SOX5: variants seen among roughly 807,000 people sequenced by gnomAD.
SOX5 encodes the protein SRY-box transcription factor 5.
A neutral mutation model predicts 92.0 loss-of-function variants in SOX5; 9 were observed. The ratio of observed to expected loss-of-function variants is 0.10; its 90% confidence interval spans 0.06 to 0.17. SOX5 has a LOEUF of 0.17. SOX5 is among the 10% of genes least tolerant of loss of function. The probability of loss-of-function intolerance (pLI) is 1.00; values close to 1 mark genes in which losing one functional copy is unlikely to be tolerated. For missense variants in SOX5, 642 were observed against 944.5 expected (o/e 0.68, Z 4.20); for synonymous variants, 344 against 336.3 (o/e 1.02, Z -0.25).
chr12:23,814,053 A>G (rs1391429694), intron 3 of SOX5, among the ~76,000 whole-genome samples: 1 of 152,146 alleles, frequency 6.6e-6, no homozygotes, highest in East Asian at 1.9e-4. Flanking sequence ...TTCTTTTTAT[A>G]AATTAAAAGA....
intron 4 of SOX5, among the ~76,000 whole-genome samples, chr12:23,972,247 G>T (rs1309132768): frequency 6.6e-6 from 1 of 152,174 alleles, no homozygotes; most frequent in East Asian, 1.9e-4. Context: ...GGAGTCAGAA[G>T]CTGAGCATAA....
chr12:23,743,383 C>T (rs1240308863), intron 4 of SOX5, among the ~76,000 whole-genome samples: 1 of 152,044 alleles, frequency 6.6e-6, no homozygotes, highest in Non-Finnish European at 1.5e-5. Flanking sequence ...GATCTCACCT[C>T]ACTGCAAACT....
intron 4 of SOX5, among the ~76,000 whole-genome samples, chr12:23,753,549 C>T (rs1006723328): frequency 2.0e-5 from 3 of 151,700 alleles, no homozygotes; most frequent in Non-Finnish European, 4.4e-5. Flanking sequence ...AATAACAATT[C>T]AATACATTCA....
chr12:24,262,990 G>A (rs1942391245), intron 3 of SOX5, among the ~76,000 whole-genome samples: 1 of 152,178 alleles, frequency 6.6e-6, no homozygotes. Flanking sequence ...GGGAGGCTGA[G>A]GTGGGCAGAT....
At chr12:23,628,439 C>G (rs1463033636) in intron 8 of SOX5, among the ~76,000 whole-genome samples, 1 of 152,042 alleles carries the variant, frequency 6.6e-6, no homozygotes, top group Non-Finnish European at 1.5e-5. Context: ...TTCACTAACA[C>G]TATTACTTTT....
At chr12:24,474,228 G>A (rs931115891) in intron 1 of SOX5, among the ~76,000 whole-genome samples, 2 of 152,020 alleles carry the variant, frequency 1.3e-5, no homozygotes, top group Admixed American at 6.6e-5. Context: ...CTTATTTATA[G>A]GTATATAATT....
At chr12:24,137,671 C>G (rs980407343) in intron 4 of SOX5, among the ~76,000 whole-genome samples, 2 of 152,164 alleles carry the variant, frequency 1.3e-5, no homozygotes, top group Middle Eastern at 3.4e-3. Context: ...CAAAAAAACT[C>G]TGTTGTAAGT....
chr12:24,425,237 C>T (rs1201901756), intron 1 of SOX5, among the ~76,000 whole-genome samples: 1 of 152,184 alleles, frequency 6.6e-6, no homozygotes, highest in Non-Finnish European at 1.5e-5. Context: ...TCTCTCTATA[C>T]TTTATGAATG....
intron 1 of SOX5, among the ~76,000 whole-genome samples, chr12:24,468,946 G>C (rs2137598288): frequency 6.6e-6 from 1 of 152,284 alleles, no homozygotes; most frequent in East Asian, 1.9e-4. Context: ...CCACAGACCA[G>C]GGTGGAAGGA....
chr12:23,576,447 CCTA>C (rs1308049836), intron 9 of SOX5, among the ~76,000 whole-genome samples: 1 of 152,124 alleles, frequency 6.6e-6, no homozygotes, highest in Non-Finnish European at 1.5e-5. Flanking sequence ...TTAACATCAC[CCTA>C]CTATGTGCAA....
At chr12:24,494,622 G>A (rs1411799324) in intron 1 of SOX5, among the ~76,000 whole-genome samples, 1 of 152,048 alleles carries the variant, frequency 6.6e-6, no homozygotes, top group Non-Finnish European at 1.5e-5. Flanking sequence ...GAAGTAATGT[G>A]GTTTCAAGAA....
chr12:24,332,858 A>T (rs1013476671), intron 2 of SOX5, among the ~76,000 whole-genome samples: 14 of 152,268 alleles, frequency 9.2e-5, no homozygotes, highest in African/African-American at 2.9e-4. Context: ...GGAAGATTTA[A>T]GTATAGTAAC....
At chr12:24,096,592 T>C (rs1164208955) in intron 4 of SOX5, among the ~76,000 whole-genome samples, 1 of 152,226 alleles carries the variant, frequency 6.6e-6, no homozygotes, top group Non-Finnish European at 1.5e-5. Context: ...CTTAGCACAA[T>C]GTCTTCAAGG....
chr12:24,045,532 T>C (rs1956910772), intron 4 of SOX5, among the ~76,000 whole-genome samples: 1 of 152,046 alleles, frequency 6.6e-6, no homozygotes, highest in Non-Finnish European at 1.5e-5. Context: ...ACACCTGGGC[T>C]CAAGCAGTCC....
chr12:23,746,476 T>A (rs894153568), intron 4 of SOX5, among the ~76,000 whole-genome samples: 3 of 152,196 alleles, frequency 2.0e-5, no homozygotes, highest in African/African-American at 7.2e-5. Context: ...TGTGTGTGAC[T>A]GATAGTAATT....
chr12:24,213,010 TAAAAGTCATTAAGG>T lies in SOX5; in HGVS notation c.-2+319_-2+332del, dbSNP rs369893360. On this transcript the variant is annotated intron_variant, in intron 4 of 4. Transcript: ENST00000446891. ...CTACATGTTTTAAGAATTTGATTCT[TAAAAGTCATTAAGG>T]GAAAGTCATTAAGAAGTTTCACTTC... Among the ~76,000 whole-genome samples, 830 of 152,268 alleles carry T rather than the reference TAAAAGTCATTAAGG, an allele frequency of 5.5e-3. 9 individuals carry two copies. Among genetic ancestry groups the T allele is most frequent in the African/African-American group, 0.019 (786 of 41,560 alleles).
chr12:24,380,636 T>A (rs1330574521), intron 1 of SOX5, among the ~76,000 whole-genome samples: 1 of 152,202 alleles, frequency 6.6e-6, no homozygotes, highest in Non-Finnish European at 1.5e-5. Flanking sequence ...TGCCTCTAAC[T>A]CATAGAACCC....
chr12:23,965,775 T>C (rs1288769137), intron 4 of SOX5, among the ~76,000 whole-genome samples: 1 of 152,024 alleles, frequency 6.6e-6, no homozygotes, highest in Non-Finnish European at 1.5e-5. Context: ...TGCACCACCA[T>C]GCCTGGCTAA....
Position 23,533,749 on chromosome 12 carries a change from AGG to A in SOX5, c.*468_*469del, listed in dbSNP as rs1939588285. Reference sequence around the variant, plus strand: ...AAAAATGAAAGGAAAGAAAAAGAAAAGGAAAAAACCCAGAAACCCCAAAAAAC... The same window carrying A: ...AAAAATGAAAGGAAAGAAAAAGAAAAAAAAAACCCAGAAACCCCAAAAAAC... On this transcript the variant is annotated 3_prime_UTR_variant, in exon 15 of 15. Transcript: ENST00000451604. The A allele has an allele frequency of 6.5e-6, 1 of 152,756 alleles. No individual in the cohort carries two copies. The highest frequency in any genetic ancestry group is 1.5e-5 in the Non-Finnish European group (1 of 68,322). The allele number at this position is 152,756 out of a possible 1,614,324, so 9.5% of individuals were successfully genotyped here.
Sources: allele counts gnomAD v4.1 joint callset (sites outside exome capture counted in the v4.1 genomes callset), GRCh38; gene constraint gnomAD v4.1.1; transcripts MANE v1.5; gene names NCBI Gene and HGNC (gene_info 2026-07-23, HGNC 2026-07-21).